Variants in FBN1 observed in about 807,000 individuals in gnomAD.
FBN1 encodes the protein fibrillin 1.
A neutral mutation model predicts 365.1 loss-of-function variants in FBN1; 29 were observed. The observed-to-expected ratio is 0.08, with a 90% CI of 0.06 to 0.11. The LOEUF (loss-of-function observed/expected upper bound fraction) is 0.11. Ranked by LOEUF, FBN1 falls within the 10% of genes least tolerant of loss-of-function variation. The pLI, the probability that FBN1 is intolerant of heterozygous loss-of-function variation, is 1.00. For synonymous variants in FBN1, 1,210 were observed against 1,270.5 expected (o/e 0.95, Z 1.01); for missense variants, 2,476 against 3,703.2 (o/e 0.67, Z 8.60).
intron 60 of FBN1, among the ~76,000 whole-genome samples, chr15:48,423,864 A>T (rs552083343): frequency 6.6e-6 from 1 of 152,358 alleles, no homozygotes; most frequent in Admixed American, 6.5e-5. Flanking sequence ...GTGAGTGGAC[A>T]TGTAAAAATT....
At chr15:48,463,698 A>G (rs1190712666) in intron 41 of FBN1, among the ~76,000 whole-genome samples, 2 of 152,232 alleles carry the variant, frequency 1.3e-5, no homozygotes, top group African/African-American at 4.8e-5. Flanking sequence ...CATTTTAGAG[A>G]AAACTCCCAA....
intron 36 of FBN1, among the ~76,000 whole-genome samples, chr15:48,470,168 T>C (rs1254689460): frequency 2.0e-5 from 3 of 152,138 alleles, no homozygotes; most frequent in African/African-American, 4.8e-5. Context: ...AAATGATTTA[T>C]ACACTAGAGA....
chr15:48,441,696 G>C, intron 50 of FBN1, 25 bp downstream of exon 50: 1 of 1,613,214 alleles, frequency 6.2e-7, no homozygotes, highest in East Asian at 2.2e-5. Context: ...AGCATTGAAA[G>C]CCCAAAGCCT....
At chr15:48,622,706 CAGGT>C (rs1889792529) in intron 2 of FBN1, among the ~76,000 whole-genome samples, 1 of 152,094 alleles carries the variant, frequency 6.6e-6, no homozygotes, top group Non-Finnish European at 1.5e-5. Context: ...AGATATCTAC[CAGGT>C]AGGCCTAATC....
At chr15:48,443,667 T>A (rs1197615213) in intron 49 of FBN1, among the ~76,000 whole-genome samples, 1 of 152,282 alleles carries the variant, frequency 6.6e-6, no homozygotes, top group African/African-American at 2.4e-5. Context: ...CTGTTTAAAG[T>A]CAGGGGTGTG....
At chr15:48,422,272 CA>C (rs1227560471) in intron 60 of FBN1, among the ~76,000 whole-genome samples, 3 of 151,930 alleles carry the variant, frequency 2.0e-5, no homozygotes, top group African/African-American at 7.3e-5. Flanking sequence ...CTCCTCCCCT[CA>C]AAAAAATATA....
chr15:48,460,189 T>A, intron 43 of FBN1, 57 bp downstream of exon 43: 1 of 1,288,968 alleles, frequency 7.8e-7, no homozygotes, highest in Non-Finnish European at 1.1e-6. Flanking sequence ...ACTGAAAAAA[T>A]AATGCTAACA....
chr15:48,535,166 C>A (rs767945901), intron 7 of FBN1, among the ~76,000 whole-genome samples: 4 of 152,184 alleles, frequency 2.6e-5, no homozygotes, highest in Non-Finnish European at 4.4e-5. Flanking sequence ...TAGCCACGAG[C>A]CCTTCCCTTG....
chr15:48,564,981 T>G (rs1472464460), intron 6 of FBN1, among the ~76,000 whole-genome samples: 1 of 152,218 alleles, frequency 6.6e-6, no homozygotes, highest in African/African-American at 2.4e-5. Flanking sequence ...TTAGACCAAG[T>G]GCCTTACATA....
At chr15:48,470,435 T>A (rs2043362450) in intron 36 of FBN1, among the ~76,000 whole-genome samples, 199 bp downstream of exon 36, 1 of 152,188 alleles carries the variant, frequency 6.6e-6, no homozygotes, top group Admixed American at 6.5e-5. Flanking sequence ...CTGTGCTCCT[T>A]CAATTGTCTT....
At chr15:48,636,345 T>G (rs1261992101) in intron 2 of FBN1, among the ~76,000 whole-genome samples, 1 of 152,138 alleles carries the variant, frequency 6.6e-6, no homozygotes, top group Non-Finnish European at 1.5e-5. Context: ...AGCCAGGCAA[T>G]GTCGAGGACA....
chr15:48,507,152 G>A lies in FBN1; in HGVS notation c.1837+1430C>T, dbSNP rs533496841. Among the ~76,000 whole-genome samples, 10 of 152,292 alleles carry A rather than the reference G, an allele frequency of 6.6e-5. No individual in the cohort carries two copies. The East Asian group carries it at 1.4e-3, about 21-fold the overall frequency. ...TGGGTCAGCAGGAGCCTAGAGGCAT[G>A]AAGAGTGAATCTTAGTGTGCTCTGT... On this transcript the variant is annotated intron_variant, in intron 15 of 65. Coordinates refer to ENST00000316623, the MANE Select transcript of FBN1 (RefSeq NM_000138.5).
At chr15:48,459,890 C>G (rs897610766) in intron 43 of FBN1, among the ~76,000 whole-genome samples, 1 of 152,212 alleles carries the variant, frequency 6.6e-6, no homozygotes, top group South Asian at 2.1e-4. Context: ...AGTCACTTAA[C>G]CTGGTCTTAG....
rs760425899 is a variant in FBN1, at chr15:48,421,962, C to T, written c.7560G>A (p.Thr2520=). 1.3e-4 allele frequency: 205 copies of T among 1,608,798 alleles called. No homozygotes were observed. The highest frequency in any genetic ancestry group is 1.7e-4 in the Non-Finnish European group (195 of 1,175,300). The change falls in exon 61 of 66, where the codon ACG becomes ACA. Residue 2520 remains threonine (T), a synonymous_variant. Coordinates refer to ENST00000316623, the MANE Select transcript of FBN1 (RefSeq NM_000138.5). ...TCCTCTCCTACTCACCAATGCAGGA[C>T]GTATGGTGTTGGGTAAATCCGGGAG... ...KCPPGFTQHH[T]SCIDNNECTS... is the part of the protein sequence containing the mutation.
At chr15:48,505,724 T>C (rs1035373936) in intron 15 of FBN1, among the ~76,000 whole-genome samples, 10 of 152,252 alleles carry the variant, frequency 6.6e-5, no homozygotes, top group South Asian at 2.1e-4. Flanking sequence ...ATAACAGCAC[T>C]GTATGCAGTT....
At chr15:48,504,809 AG>A (rs2141316797) in intron 16 of FBN1, among the ~76,000 whole-genome samples, 1 of 152,344 alleles carries the variant, frequency 6.6e-6, no homozygotes, top group East Asian at 1.9e-4. Context: ...GGGGAAGGAT[AG>A]GTGGGGATTC....
chr15:48,491,595 C>T (rs1482106192), intron 24 of FBN1, among the ~76,000 whole-genome samples: 2 of 152,248 alleles, frequency 1.3e-5, no homozygotes, highest in Non-Finnish European at 2.9e-5. Flanking sequence ...TCGTGATCCA[C>T]CTGCCTCGGC....
At chr15:48,625,495 C>A (rs1275486573) in intron 2 of FBN1, among the ~76,000 whole-genome samples, 1 of 152,122 alleles carries the variant, frequency 6.6e-6, no homozygotes, top group Non-Finnish European at 1.5e-5. Context: ...CCGTCCCAGC[C>A]CAGGCTTGAC....
chr15:48,622,798 C>T (rs939571662), intron 2 of FBN1, among the ~76,000 whole-genome samples: 1 of 152,056 alleles, frequency 6.6e-6, no homozygotes, highest in Non-Finnish European at 1.5e-5. Context: ...CCGTCTCAGC[C>T]CTCACTCATG....
Sources: gnomAD v4.1 joint callset for allele counts (sites outside exome capture counted in the v4.1 genomes callset) on GRCh38, gnomAD v4.1.1 for gene constraint, MANE v1.5 for transcripts, NCBI Gene and HGNC (gene_info 2026-07-23, HGNC 2026-07-21) for gene names.